Variants in SNX29 observed in about 807,000 individuals in gnomAD.
SNX29 encodes sorting nexin-29.
Under a neutral mutation model 102.1 loss-of-function variants are expected in SNX29, and 78 were observed. The ratio of observed to expected loss-of-function variants is 0.76; its 90% confidence interval spans 0.64 to 0.92. The LOEUF is 0.92. Ranked by LOEUF, SNX29 falls within the 40% of genes least tolerant of loss-of-function variation. The pLI, the probability that SNX29 is intolerant of heterozygous loss-of-function variation, is 0.00. For missense variants in SNX29, 1,280 were observed against 1,061.7 expected (o/e 1.21, Z -2.86); for synonymous variants, 580 against 414.5 (o/e 1.40, Z -4.85).
At chr16:12,240,038 C>G (rs1157014794) in intron 14 of SNX29, among the ~76,000 whole-genome samples, 2 of 152,176 alleles carry the variant, frequency 1.3e-5, no homozygotes, top group Non-Finnish European at 2.9e-5. Flanking sequence ...TGCATTCTCT[C>G]GTTTCACTTG....
At chr16:12,439,459 C>G (rs1267075933) in intron 18 of SNX29, among the ~76,000 whole-genome samples, 1 of 151,956 alleles carries the variant, frequency 6.6e-6, no homozygotes, top group South Asian at 2.1e-4. Flanking sequence ...AATGGACTCA[C>G]AGTTCCCATG....
chr16:12,282,323 C>T (rs781681538), intron 15 of SNX29, among the ~76,000 whole-genome samples: 6 of 152,084 alleles, frequency 3.9e-5, no homozygotes, highest in Non-Finnish European at 8.8e-5. Context: ...TTTGAGATGG[C>T]GCTGGTGGTG....
chr16:12,476,236 C>G (rs1465951812), intron 18 of SNX29, among the ~76,000 whole-genome samples: 1 of 147,256 alleles, frequency 6.8e-6, no homozygotes, highest in Non-Finnish European at 1.5e-5. Context: ...GCAGGAGAAT[C>G]GCTTGAACTT....
intron 14 of SNX29, among the ~76,000 whole-genome samples, chr16:12,227,828 T>C (rs1596561594): frequency 7.7e-6 from 1 of 130,368 alleles, no homozygotes; most frequent in African/African-American, 2.9e-5. Flanking sequence ...TAAACCCAGG[T>C]GGTGGAGGTT....
chr16:12,280,101 A>T (rs1278694263), intron 15 of SNX29, among the ~76,000 whole-genome samples: 2 of 152,208 alleles, frequency 1.3e-5, no homozygotes, highest in Non-Finnish European at 2.9e-5. Context: ...GCCAAGTGCC[A>T]CTAGTTCATT....
At chr16:12,551,513 G>C (rs774624064) in intron 20 of SNX29, among the ~76,000 whole-genome samples, 6 of 152,168 alleles carry the variant, frequency 3.9e-5, no homozygotes, top group Non-Finnish European at 5.9e-5. Flanking sequence ...CTCAGCATCA[G>C]GATCTTTTTA....
chr16:12,344,670 T>C (rs2081733813), intron 15 of SNX29, among the ~76,000 whole-genome samples: 2 of 152,240 alleles, frequency 1.3e-5, no homozygotes, highest in South Asian at 4.1e-4. Flanking sequence ...GTCCAATACA[T>C]GCTCAGTAAA....
rs1158187728 is a variant in SNX29, at chr16:12,096,019, G to A, written c.1402+17104G>A. ...CTGTAGTAACATCAGAGAGAGATGC[G>A]AGGCCCCGCAGCCAGCTGCTTGCTT... On this transcript the variant is annotated intron_variant, in intron 11 of 20. Transcript: ENST00000566228. This position sits in a 1 kb window ranked among gnomAD's most constrained non-coding sequence, Gnocchi z 4.2. Among the ~76,000 whole-genome samples the A allele has an allele frequency of 1.3e-5, 2 of 152,228 alleles. No homozygotes were observed. Among genetic ancestry groups the A allele is most frequent in the African/African-American group, 2.4e-5 (1 of 41,460 alleles).
At chr16:12,088,434 A>T (rs926725956) in intron 11 of SNX29, among the ~76,000 whole-genome samples, 1 of 152,062 alleles carries the variant, frequency 6.6e-6, no homozygotes, top group African/African-American at 2.4e-5. Flanking sequence ...TCTTATACTT[A>T]GAAAGGATTT....
intron 20 of SNX29, among the ~76,000 whole-genome samples, chr16:12,553,331 C>T (rs893031234): frequency 5.3e-5 from 8 of 152,356 alleles, no homozygotes; most frequent in Middle Eastern, 3.4e-3. Flanking sequence ...CCTAACAAGG[C>T]AGGCAGAGAA....
chr16:12,180,022 C>G (rs1260487800), intron 13 of SNX29, among the ~76,000 whole-genome samples: 11 of 152,116 alleles, frequency 7.2e-5, no homozygotes, highest in Admixed American at 6.5e-5. Context: ...CTTCGGGTCT[C>G]TTTATTCCAA....
At chr16:12,108,182 G>C (rs117421707) in intron 11 of SNX29, among the ~76,000 whole-genome samples, 404 of 152,330 alleles carry the variant, frequency 2.7e-3, no homozygotes, top group Non-Finnish European at 3.7e-3. Context: ...CCCAGTGGTA[G>C]AGGAAGTTGA....
intron 13 of SNX29, among the ~76,000 whole-genome samples, chr16:12,147,473 G>A (rs1197551770): frequency 1.3e-5 from 2 of 152,220 alleles, no homozygotes; most frequent in African/African-American, 4.8e-5. Context: ...ATGAGAAGTA[G>A]GTAGAGGTGT....
chr16:12,361,683 T>A (rs2082303298), intron 16 of SNX29, among the ~76,000 whole-genome samples: 1 of 152,234 alleles, frequency 6.6e-6, no homozygotes. Context: ...TTTTTAAATT[T>A]ATTTTTTTCT....
At chr16:12,250,199 A>G (rs1304413716) in intron 14 of SNX29, among the ~76,000 whole-genome samples, 7 of 152,224 alleles carry the variant, frequency 4.6e-5, no homozygotes, top group Admixed American at 4.6e-4. Context: ...GCAAAGGCCC[A>G]GAGACAAGAG....
At chr16:12,078,751 C>A (rs896736554) in intron 10 of SNX29, 82 bp from the exon 11 acceptor site, 2 of 1,213,148 alleles carry the variant, frequency 1.6e-6, no homozygotes, top group South Asian at 1.3e-5. Context: ...CGGAGTAAAC[C>A]GACCTCTGCT....
intron 13 of SNX29, among the ~76,000 whole-genome samples, chr16:12,158,568 A>T (rs901356618): frequency 2.0e-5 from 3 of 152,318 alleles, no homozygotes; most frequent in Middle Eastern, 3.4e-3. Context: ...TTTGTGGTCC[A>T]TTTGCCTAAT....
intron 15 of SNX29, among the ~76,000 whole-genome samples, chr16:12,351,031 G>A (rs966562462): frequency 6.6e-6 from 1 of 152,184 alleles, no homozygotes; most frequent in Non-Finnish European, 1.5e-5. Flanking sequence ...ACAGATAGTA[G>A]GGCCATTAAG....
chr16:12,015,730 T>A (rs983668063), intron 3 of SNX29, among the ~76,000 whole-genome samples: 1 of 147,976 alleles, frequency 6.8e-6, no homozygotes, highest in African/African-American at 2.5e-5. Flanking sequence ...AGAGATAGGG[T>A]TTCACCGTGT....
Sources: gnomAD v4.1 joint callset for allele counts (sites outside exome capture counted in the v4.1 genomes callset) on GRCh38, gnomAD v4.1.1 for gene constraint, Gnocchi (gnomAD v3.1) non-coding constraint, MANE v1.5 for transcripts, NCBI Gene and HGNC (gene_info 2026-07-23, HGNC 2026-07-21) for gene names.